Variants in SPOCK3 observed in about 807,000 individuals in gnomAD.
The protein encoded by SPOCK3 is testican-3.
Under a neutral mutation model 56.6 loss-of-function variants are expected in SPOCK3, and 30 were observed. That is an observed-to-expected ratio of 0.53 (90% CI 0.40 to 0.72). The LOEUF (loss-of-function observed/expected upper bound fraction) is 0.72, where lower values mean the gene tolerates loss of function less well. Ranked by LOEUF, SPOCK3 falls within the 30% of genes least tolerant of loss-of-function variation. SPOCK3 has a pLI of 0.00. For missense variants in SPOCK3, 527 were observed against 530.0 expected (o/e 0.99, Z 0.06); for synonymous variants, 196 against 183.3 (o/e 1.07, Z -0.56).
chr4:166,919,810 C>G (rs1488710320), intron 4 of SPOCK3, among the ~76,000 whole-genome samples: 1 of 152,014 alleles, frequency 6.6e-6, no homozygotes, highest in East Asian at 1.9e-4. Context: ...AATTAATTAC[C>G]TCATTAAAAG....
intron 2 of SPOCK3, among the ~76,000 whole-genome samples, chr4:167,231,772 C>T (rs1737201423): frequency 6.6e-6 from 1 of 152,030 alleles, no homozygotes; most frequent in Admixed American, 6.6e-5. Context: ...TGTCAGCATA[C>T]CTTTCATCAT....
At chr4:167,073,866 C>T (rs1028009163) in intron 2 of SPOCK3, among the ~76,000 whole-genome samples, 4 of 151,762 alleles carry the variant, frequency 2.6e-5, no homozygotes, top group African/African-American at 4.8e-5. Flanking sequence ...AAAAGATTTG[C>T]TTTGTGACTA....
chr4:167,118,727 T>C (rs1482900682), intron 2 of SPOCK3, among the ~76,000 whole-genome samples: 4 of 152,320 alleles, frequency 2.6e-5, no homozygotes, highest in East Asian at 1.9e-4. Flanking sequence ...TACAAGTATG[T>C]TATATTTTTT....
At chr4:166,742,381 G>A (rs1450456252) in intron 8 of SPOCK3, among the ~76,000 whole-genome samples, 1 of 152,022 alleles carries the variant, frequency 6.6e-6, no homozygotes, top group Non-Finnish European at 1.5e-5. Flanking sequence ...TTTTTTAAAA[G>A]TATAAAAGAT....
intron 2 of SPOCK3, among the ~76,000 whole-genome samples, chr4:167,160,215 A>G (rs1435279899): frequency 2.0e-5 from 3 of 152,160 alleles, no homozygotes; most frequent in African/African-American, 4.8e-5. Flanking sequence ...AAATCAATGT[A>G]CAAAAATCAC....
intron 2 of SPOCK3, among the ~76,000 whole-genome samples, chr4:167,071,503 T>C (rs1225392714): frequency 6.6e-6 from 1 of 151,944 alleles, no homozygotes; most frequent in Non-Finnish European, 1.5e-5. Flanking sequence ...TGGTTTTCTG[T>C]CCTTCTGATA....
chr4:167,199,261 G>GTA (rs1161303593), intron 2 of SPOCK3, among the ~76,000 whole-genome samples: 1 of 147,638 alleles, frequency 6.8e-6, no homozygotes, highest in Non-Finnish European at 1.5e-5. Context: ...GTGTGTGTGT[G>GTA]TATTTAGTAG....
At chr4:167,094,214 G>A (rs1480567942) in intron 2 of SPOCK3, among the ~76,000 whole-genome samples, 2 of 151,868 alleles carry the variant, frequency 1.3e-5, no homozygotes, top group Non-Finnish European at 2.9e-5. Flanking sequence ...AGAAGACAGA[G>A]GACTATCAGC....
chr4:167,022,685 G>C (rs1275864343), intron 3 of SPOCK3, among the ~76,000 whole-genome samples: 2 of 152,000 alleles, frequency 1.3e-5, no homozygotes, highest in African/African-American at 4.8e-5. Flanking sequence ...TAGTGATAAA[G>C]GTAAATCCTA....
intron 4 of SPOCK3, among the ~76,000 whole-genome samples, chr4:166,923,922 G>T (rs985353774): frequency 6.6e-5 from 10 of 152,048 alleles, no homozygotes; most frequent in Non-Finnish European, 1.3e-4. Flanking sequence ...TCCCTCATTT[G>T]ACCCTAAATT....
chr4:167,038,880 TG>T (rs1310878129), intron 3 of SPOCK3, among the ~76,000 whole-genome samples: 1 of 152,178 alleles, frequency 6.6e-6, no homozygotes, highest in Non-Finnish European at 1.5e-5. Context: ...ATTTATGTGA[TG>T]GAATATGTTT....
At chr4:166,829,481 A>G (rs1213840686) in intron 6 of SPOCK3, among the ~76,000 whole-genome samples, 1 of 152,056 alleles carries the variant, frequency 6.6e-6, no homozygotes, top group Non-Finnish European at 1.5e-5. Flanking sequence ...CCACTTTTTT[A>G]ATCAAGTAGA....
chr4:167,164,287 G>A (rs1187021381), intron 2 of SPOCK3, among the ~76,000 whole-genome samples: 3 of 151,968 alleles, frequency 2.0e-5, no homozygotes, highest in Non-Finnish European at 2.9e-5. Flanking sequence ...ATAATCATGT[G>A]AGGTTTTATG....
intron 3 of SPOCK3, among the ~76,000 whole-genome samples, chr4:167,043,534 A>G (rs11935736): frequency 0.24 from 35,851 of 151,894 alleles, 4,964 homozygotes; most frequent in African/African-American, 0.39. Context: ...CCTGAAGCTT[A>G]GAGTTTCTCA....
At chr4:166,781,120 A>G (rs979358058) in intron 7 of SPOCK3, among the ~76,000 whole-genome samples, 6 of 152,124 alleles carry the variant, frequency 3.9e-5, no homozygotes, top group Non-Finnish European at 5.9e-5. Context: ...ATCCATCTCT[A>G]CTGTTCTACA....
intron 2 of SPOCK3, among the ~76,000 whole-genome samples, chr4:167,156,017 A>AT (rs1327534759): frequency 6.6e-6 from 1 of 152,160 alleles, no homozygotes; most frequent in Non-Finnish European, 1.5e-5. Context: ...TAAAAAAAAA[A>AT]GTTGTTCTAG....
chr4:167,234,572 C>A, upstream of SPOCK3: 1 of 222,110 alleles, frequency 4.5e-6, no homozygotes, highest in East Asian at 1.0e-4. Flanking sequence ...CAGCTCCCTG[C>A]GCCCGGCGCG....
intron 2 of SPOCK3, among the ~76,000 whole-genome samples, chr4:167,201,630 T>C (rs1321348747): frequency 1.3e-5 from 2 of 151,860 alleles, no homozygotes; most frequent in Non-Finnish European, 2.9e-5. Context: ...CATAAATATA[T>C]GCATATTAAA....
At chr4:167,217,223 C>T (rs1289342864) in intron 2 of SPOCK3, among the ~76,000 whole-genome samples, 3 of 152,008 alleles carry the variant, frequency 2.0e-5, no homozygotes, top group Non-Finnish European at 4.4e-5. Context: ...AAGGTTATTT[C>T]AGTTAAAAAT....
Sources: gnomAD v4.1 joint callset for allele counts (sites outside exome capture counted in the v4.1 genomes callset) on GRCh38, gnomAD v4.1.1 for gene constraint, MANE v1.5 for transcripts, NCBI Gene and HGNC (gene_info 2026-07-23, HGNC 2026-07-21) for gene names.